The following UGT1A8 variants were observed in gnomAD, a reference collection of about 807,000 sequenced individuals.
The protein encoded by UGT1A8 is UDP-glucuronosyltransferase 1A8.
A neutral mutation model predicts 45.3 loss-of-function variants in UGT1A8; 39 were observed. That is an observed-to-expected ratio of 0.86 (90% CI 0.67 to 1.12). The LOEUF (loss-of-function observed/expected upper bound fraction) is 1.12, where lower values mean the gene tolerates loss of function less well. Among genes scored for constraint, UGT1A8 ranks in the 50% most tolerant of loss-of-function variants. UGT1A8 has a pLI of 0.00. For missense variants in UGT1A8, 719 were observed against 664.9 expected (o/e 1.08, Z -0.90); for synonymous variants, 275 against 249.2 (o/e 1.10, Z -0.97).
rs199688431 is a variant in UGT1A8 at position 233,719,254 on chromosome 2, C to G, written c.856-47780C>G. On this transcript the variant is annotated intron_variant, in intron 1 of 4. Transcript: ENST00000373450. Reference sequence around the variant, plus strand: ...CTGATCAGGCACCTGAATGCTACTTCCTTTGATGTGGTTTTAACAGACCCC... The same window carrying G: ...CTGATCAGGCACCTGAATGCTACTTGCTTTGATGTGGTTTTAACAGACCCC... The G allele has an allele frequency of 3.7e-6, 6 of 1,614,048 alleles. No individual in the cohort carries two copies. In the Admixed American group the frequency reaches 1.0e-4, roughly 27 times the overall value.
intron 1 of UGT1A8, among the ~76,000 whole-genome samples, chr2:233,739,315 G>A (rs1559383204): frequency 6.6e-6 from 1 of 152,196 alleles, no homozygotes; most frequent in Non-Finnish European, 1.5e-5. Context: ...GTGGAGTTGT[G>A]AGAAGAAGGC....
At chr2:233,698,282 G>T (rs866181850) in intron 1 of UGT1A8, among the ~76,000 whole-genome samples, 47 of 151,926 alleles carry the variant, frequency 3.1e-4, no homozygotes, top group African/African-American at 1.1e-3. Flanking sequence ...TCAACACTAT[G>T]AAAAAAAATG....
intron 1 of UGT1A8, chr2:233,693,582 C>G (rs755382467): frequency 6.2e-7 from 1 of 1,614,188 alleles, no homozygotes; most frequent in Non-Finnish European, 8.5e-7. Flanking sequence ...TCCTACATTC[C>G]CAGGTGCTAC....
intron 1 of UGT1A8, among the ~76,000 whole-genome samples, chr2:233,766,746 G>A (rs1202459280): frequency 2.0e-5 from 3 of 152,150 alleles, no homozygotes; most frequent in Non-Finnish European, 4.4e-5. Context: ...GTACAGGTGT[G>A]TGCATGTGTG....
chr2:233,724,146 G>A (rs2077176632), intron 1 of UGT1A8, among the ~76,000 whole-genome samples: 1 of 124,370 alleles, frequency 8.0e-6, no homozygotes, highest in Non-Finnish European at 1.7e-5. Flanking sequence ...CGGGGCGGCT[G>A]GCCGGGTGGG....
At chr2:233,688,441 C>G (rs10168416) in intron 1 of UGT1A8, among the ~76,000 whole-genome samples, 45,384 of 152,094 alleles carry the variant, frequency 0.3, 7,124 homozygotes, top group South Asian at 0.4. Flanking sequence ...CTGACTGCCT[C>G]CCTGTGTTGA....
chr2:233,756,486 T>G (rs1239866709), intron 1 of UGT1A8: 1 of 152,220 alleles, frequency 6.6e-6, no homozygotes, highest in East Asian at 1.9e-4. Context: ...TCTGCAGATG[T>G]GAAGCCCAAG....
At chr2:233,652,155 A>G (rs998554853) in intron 1 of UGT1A8, among the ~76,000 whole-genome samples, 5 of 152,180 alleles carry the variant, frequency 3.3e-5, no homozygotes, top group African/African-American at 1.2e-4. Context: ...ACAGCAAGAA[A>G]AGATCTGGGC....
intron 1 of UGT1A8, among the ~76,000 whole-genome samples, chr2:233,763,856 G>A (rs1698413440): frequency 6.6e-6 from 1 of 152,158 alleles, no homozygotes; most frequent in Non-Finnish European, 1.5e-5. Context: ...GTGGTTCACA[G>A]ACAATCGCAA....
chr2:233,713,348 T>C (rs149718405), intron 1 of UGT1A8: 25 of 1,614,220 alleles, frequency 1.5e-5, no homozygotes, highest in Non-Finnish European at 2.1e-5. Flanking sequence ...TTATGAACAA[T>C]ATGTCTTTGA....
At chr2:233,653,321 C>G (rs1310624862) in intron 1 of UGT1A8, among the ~76,000 whole-genome samples, 10 of 152,176 alleles carry the variant, frequency 6.6e-5, no homozygotes, top group Admixed American at 3.3e-4. Flanking sequence ...ATACAGGTAT[C>G]TTTGCAAGCG....
chr2:233,740,331 G>A (rs533064296), intron 1 of UGT1A8, among the ~76,000 whole-genome samples: 2 of 152,056 alleles, frequency 1.3e-5, no homozygotes, highest in Non-Finnish European at 2.9e-5. Flanking sequence ...CATTTATTGA[G>A]AAAGTTGATG....
intron 1 of UGT1A8, chr2:233,729,503 G>T: frequency 1.2e-6 from 2 of 1,614,172 alleles, no homozygotes; most frequent in Non-Finnish European, 1.7e-6. Context: ...GTCTATCATA[G>T]GTCTTGTGTG....
At position 233,625,151 on chromosome 2, in the gene UGT1A8, A is replaced by G. The variant is rs565255103; in HGVS notation, c.855+6589A>G. Reference sequence around the variant, plus strand: ...TTATTACAATAAAGCAAACTAGAGAAAGGAAAATGTTATTTAAAAACATAA... The same window carrying G: ...TTATTACAATAAAGCAAACTAGAGAGAGGAAAATGTTATTTAAAAACATAA... On this transcript the variant is annotated intron_variant, in intron 1 of 4. Coordinates refer to ENST00000373450, the MANE Select transcript of UGT1A8 (RefSeq NM_019076.5). Among the ~76,000 whole-genome samples, 7 of 152,278 alleles carry G rather than the reference A, an allele frequency of 4.6e-5. No homozygotes were observed. In the South Asian group the frequency reaches 1.0e-3, roughly 23 times the overall value.
At chr2:233,750,117 G>T (rs1441169579) in intron 1 of UGT1A8, among the ~76,000 whole-genome samples, 2 of 151,904 alleles carry the variant, frequency 1.3e-5, no homozygotes, top group East Asian at 1.9e-4. Flanking sequence ...AAGACAGGAA[G>T]ATGTGGGAAA....
chr2:233,703,455 C>T (rs971722755), intron 1 of UGT1A8, among the ~76,000 whole-genome samples: 4 of 151,966 alleles, frequency 2.6e-5, no homozygotes, highest in African/African-American at 4.8e-5. Flanking sequence ...TTAATTTCCC[C>T]TCTATTCTTT....
intron 1 of UGT1A8, chr2:233,718,713 C>T (rs2076677661): frequency 2.5e-6 from 4 of 1,607,198 alleles, no homozygotes; most frequent in Non-Finnish European, 1.7e-6. Context: ...CTTCCAATTA[C>T]ATGCTGATTT....
intron 1 of UGT1A8, among the ~76,000 whole-genome samples, chr2:233,730,785 G>C (rs1273458809): frequency 1.3e-5 from 2 of 152,122 alleles, no homozygotes; most frequent in Non-Finnish European, 2.9e-5. Flanking sequence ...TGAAGCTGGG[G>C]ACAGTGATGA....
chr2:233,754,469 T>C (rs1695491558), intron 1 of UGT1A8: 1 of 357,106 alleles, frequency 2.8e-6, no homozygotes, highest in Non-Finnish European at 5.5e-6. Flanking sequence ...GTTCTGAAAG[T>C]AAAGTTCACT....
Sources: gnomAD v4.1 joint callset for allele counts (sites outside exome capture counted in the v4.1 genomes callset) on GRCh38, gnomAD v4.1.1 for gene constraint, MANE v1.5 for transcripts, NCBI Gene and HGNC (gene_info 2026-07-23, HGNC 2026-07-21) for gene names.